TNS1: variants seen among roughly 807,000 people sequenced by gnomAD.
The protein encoded by TNS1 is tensin 1.
A neutral mutation model predicts 168.6 loss-of-function variants in TNS1; 62 were observed. The ratio of observed to expected loss-of-function variants is 0.37; its 90% CI spans 0.30 to 0.45. The LOEUF is 0.45. TNS1 is among the 20% of genes least tolerant of loss of function. TNS1 has a pLI of 1.00. For synonymous variants in TNS1, 934 were observed against 933.2 expected (o/e 1.00, Z -0.02); for missense variants, 2,240 against 2,339.4 (o/e 0.96, Z 0.88).
At chr2:217,945,444 G>A (rs116246811) in intron 3 of TNS1, among the ~76,000 whole-genome samples, 1,535 of 151,410 alleles carry the variant, frequency 0.01, 9 homozygotes, top group Middle Eastern at 0.021. Context: ...AACCCTTGGG[G>A]ATAGGGGAGA....
At chr2:217,911,660 G>C (rs921315901) in intron 4 of TNS1, among the ~76,000 whole-genome samples, 2 of 152,206 alleles carry the variant, frequency 1.3e-5, no homozygotes, top group Non-Finnish European at 2.9e-5. Context: ...GCAGGGTACA[G>C]TTTAGGAAAC....
At chr2:217,851,900 C>T (rs1947551676) in intron 18 of TNS1, among the ~76,000 whole-genome samples, 1 of 152,100 alleles carries the variant, frequency 6.6e-6, no homozygotes, top group South Asian at 2.1e-4. Context: ...TCCCAGCACT[C>T]TGGGAGGCTG....
Position 217,848,444 on chromosome 2 carries a change from C to A in TNS1, c.2073G>T (p.Arg691=), listed in dbSNP as rs1452299031. ...GGGYPYESAS[R]AGPAHAGHTA... ...TGTGGCCAGCATGGGCAGGCCCCGC[C>A]CGGCTGGCAGACTCGTAGGGGTAGC... Residue 691 remains arginine, a synonymous_variant, in exon 19 of 33, where the codon CGG becomes CGT. Transcript: ENST00000682258. 1 of 1,611,636 alleles carries A rather than the reference C, an allele frequency of 6.2e-7. No individual in the cohort carries two copies. The highest frequency in any genetic ancestry group is 1.7e-5 in the Admixed American group (1 of 59,830).
At chr2:217,816,604 G>A (rs918380200) in intron 24 of TNS1, among the ~76,000 whole-genome samples, 2 of 152,150 alleles carry the variant, frequency 1.3e-5, no homozygotes, top group African/African-American at 4.8e-5. Context: ...CCTGTTTAAC[G>A]AGCTGTCAGA....
chr2:217,950,709 CCAAGT>C (rs1347244420), intron 3 of TNS1, among the ~76,000 whole-genome samples: 1 of 151,054 alleles, frequency 6.6e-6, no homozygotes, highest in Non-Finnish European at 1.5e-5. Flanking sequence ...TGGCCCAGGT[CCAAGT>C]CTGGTTCCTC....
chr2:217,857,345 G>A lies in TNS1; in HGVS notation c.1430-8258C>T, dbSNP rs900638616. Among the ~76,000 whole-genome samples, 6 of 152,106 alleles carry A rather than the reference G, an allele frequency of 3.9e-5. No homozygotes were observed. In the South Asian group the frequency reaches 1.0e-3, roughly 26 times the overall value. The stretch of plus-strand genomic sequence containing the variant: ...CTCAGCAGGCTCAGGACCACCCAAG[G>A]TCACCCGGCAAGGAAGTACAAAACC... On this transcript the variant is annotated intron_variant, in intron 18 of 32. Transcript: ENST00000682258.
At chr2:217,892,773 C>G (rs1004433649) in intron 11 of TNS1, among the ~76,000 whole-genome samples, 175 bp downstream of exon 11, 1 of 152,154 alleles carries the variant, frequency 6.6e-6, no homozygotes, top group African/African-American at 2.4e-5. Context: ...CCCTCCCGCC[C>G]TCTGTCCACA....
chr2:217,887,850 G>A (rs114376018), intron 12 of TNS1, among the ~76,000 whole-genome samples: 143 of 152,340 alleles, frequency 9.4e-4, no homozygotes, highest in Non-Finnish European at 1.7e-3. Context: ...GTCCTTCTGC[G>A]TCGATTGGTC....
At chr2:217,908,488 A>C (rs944892756) in intron 4 of TNS1, among the ~76,000 whole-genome samples, 1 of 152,188 alleles carries the variant, frequency 6.6e-6, no homozygotes, top group Non-Finnish European at 1.5e-5. Flanking sequence ...GTCTCGGCAC[A>C]AGAGGCGCCT....
intron 22 of TNS1, among the ~76,000 whole-genome samples, chr2:217,826,374 C>G (rs1458840619): frequency 6.6e-6 from 1 of 152,102 alleles, no homozygotes; most frequent in Non-Finnish European, 1.5e-5. Flanking sequence ...GGCTCTTTCT[C>G]TCTCTCCCAC....
chr2:217,960,959 C>A (rs895707288), intron 3 of TNS1, among the ~76,000 whole-genome samples: 2 of 152,078 alleles, frequency 1.3e-5, no homozygotes, highest in African/African-American at 4.8e-5. Context: ...CAACTGGCAC[C>A]CAGGGAAGCA....
rs1039373819 is a variant in TNS1 at position 217,801,477 on chromosome 2, T to C, written c.*2982A>G. On this transcript the variant is annotated 3_prime_UTR_variant, in exon 33 of 33. Transcript: ENST00000682258. ...CGATGTCCATGACTCCCTGGCTCTTTGTTGCCCATCTTCTCCCAGACCCTT... is the reference window on the plus strand; with the variant it reads ...CGATGTCCATGACTCCCTGGCTCTTCGTTGCCCATCTTCTCCCAGACCCTT... The C allele has an allele frequency of 6.6e-6, 1 of 152,264 alleles. No individual in the cohort carries two copies. Among genetic ancestry groups the C allele is most frequent in the African/African-American group, 2.4e-5 (1 of 41,452 alleles). 9.4% of individuals were successfully genotyped at this position (152,264 alleles called of 1,614,324 possible).
intron 1 of TNS1, among the ~76,000 whole-genome samples, chr2:218,008,939 C>T (rs1359294555): frequency 6.6e-6 from 1 of 152,182 alleles, no homozygotes; most frequent in African/African-American, 2.4e-5. Flanking sequence ...CAGTTAAACA[C>T]TTTAAATGCA....
chr2:217,942,225 G>A (rs983511491), intron 3 of TNS1, among the ~76,000 whole-genome samples: 7 of 152,102 alleles, frequency 4.6e-5, no homozygotes, highest in South Asian at 2.1e-4. Flanking sequence ...CTCCTCCACC[G>A]CCAAGAACCC....
chr2:217,996,341 C>G (rs1401904035), intron 1 of TNS1, among the ~76,000 whole-genome samples: 1 of 152,164 alleles, frequency 6.6e-6, no homozygotes, highest in South Asian at 2.1e-4. Context: ...CTGCCCCATG[C>G]CCCCTCACCC....
At chr2:217,862,186 GAC>G (rs924949317) in intron 18 of TNS1, among the ~76,000 whole-genome samples, 8 of 152,248 alleles carry the variant, frequency 5.3e-5, no homozygotes, top group African/African-American at 1.7e-4. Context: ...AATAGGAAAG[GAC>G]TTCCTGGGGG....
chr2:218,007,559 CGG>C (rs796335839), upstream of TNS1, among the ~76,000 whole-genome samples: 2 of 11,560 alleles, frequency 1.7e-4, no homozygotes, highest in African/African-American at 3.4e-4. Flanking sequence ...CCCTGAGGCT[CGG>C]GGGGTGGGGG....
chr2:217,872,483 A>T, intron 18 of TNS1, among the ~76,000 whole-genome samples: 1 of 152,250 alleles, frequency 6.6e-6, no homozygotes, highest in Non-Finnish European at 1.5e-5. Flanking sequence ...TCTTAGGAAA[A>T]TGCAAATTGA....
intron 32 of TNS1, among the ~76,000 whole-genome samples, chr2:217,807,570 G>A (rs1939402728): frequency 2.6e-5 from 4 of 152,176 alleles, no homozygotes; most frequent in Admixed American, 2.6e-4. Context: ...GTCCCTTGGA[G>A]GCCCCTAGGA....
Sources: gnomAD v4.1 joint callset for allele counts (sites outside exome capture counted in the v4.1 genomes callset) on GRCh38, gnomAD v4.1.1 for gene constraint, MANE v1.5 for transcripts, NCBI Gene and HGNC (gene_info 2026-07-23, HGNC 2026-07-21) for gene names.